The following TP73 variants were observed in gnomAD, a reference collection of about 807,000 sequenced individuals.
TP73 encodes the protein tumor protein p73.
Under a neutral mutation model 62.5 loss-of-function variants are expected in TP73, and 25 were observed. The ratio of observed to expected loss-of-function variants is 0.40; its 90% confidence interval spans 0.29 to 0.56. The LOEUF is 0.56. TP73 is among the 20% of genes least tolerant of loss of function. The pLI is 0.46. For missense variants in TP73, 754 were observed against 913.3 expected, an observed-to-expected ratio of 0.83 and a Z score of 2.25; for synonymous variants, 423 against 377.5, an observed-to-expected ratio of 1.12 and a Z score of -1.40.
At chr1:3,720,023 C>G (rs1203586232) in intron 4 of TP73, among the ~76,000 whole-genome samples, 1 of 151,944 alleles carries the variant, frequency 6.6e-6, no homozygotes, top group Admixed American at 6.6e-5. Flanking sequence ...TCAAGCGATT[C>G]TCCTGCCTCC....
intron 1 of TP73, among the ~76,000 whole-genome samples, chr1:3,681,369 T>A (rs1570427209): frequency 6.6e-6 from 1 of 152,088 alleles, no homozygotes; most frequent in East Asian, 1.9e-4. Flanking sequence ...TGGGCTCGGG[T>A]TTCCCTGTCC....
rs1303427518 is a variant in TP73 at position 3,727,733 on chromosome 1, C to T, written c.948C>T (p.Asn316=). Residue 316 remains asparagine, a synonymous_variant, in exon 8 of 14, where the codon AAC becomes AAT. Transcript: ENST00000378295. ...ACTACCGGGAGCAGCAGGCCCTGAACGAGAGCTCCGCCAAGAACGGGGCCG... is the reference window on the plus strand; with the variant it reads ...ACTACCGGGAGCAGCAGGCCCTGAATGAGAGCTCCGCCAAGAACGGGGCCG... ...EDHYREQQAL[N]ESSAKNGAAS... 3.8e-5 allele frequency: 59 copies of T among 1,557,374 alleles called. No individual in the cohort carries two copies. Among genetic ancestry groups the T allele is most frequent in the Non-Finnish European group, 4.6e-5 (53 of 1,151,996 alleles).
In TP73 at chr1:3,732,641, G is replaced by T. The variant is rs181767508; in HGVS notation, c.1579-106G>T. 2.7e-3 allele frequency: 2,703 copies of T among 1,018,766 alleles called. 66 individuals are homozygous for T. Among genetic ancestry groups the T allele is most frequent in the East Asian group, 6.5e-4 (25 of 38,560 alleles). 63.1% of individuals were successfully genotyped at this position (1,018,766 alleles called of 1,614,324 possible). On this transcript the variant is annotated intron_variant, in intron 13 of 13. Coordinates refer to ENST00000378295, the MANE Select transcript of TP73 (RefSeq NM_005427.4). The stretch of plus-strand genomic sequence containing the variant: ...CGTCTCCTGCCTACTCTGGTTGGGG[G>T]TGTAGGGGCCAGGGTGTGGTGTGGC...
At chr1:3,656,374 A>G (rs188615981) in intron 1 of TP73, among the ~76,000 whole-genome samples, 116 of 152,380 alleles carry the variant, frequency 7.6e-4, no homozygotes, top group Middle Eastern at 3.4e-3. Context: ...CAAGTTGCAC[A>G]TCACAGACCC....
chr1:3,726,175 GATA>G (rs891559201), intron 6 of TP73, among the ~76,000 whole-genome samples: 8 of 131,624 alleles, frequency 6.1e-5, no homozygotes, highest in Non-Finnish European at 9.7e-5. Flanking sequence ...TGGATGGATA[GATA>G]ATAAATGGGG....
At chr1:3,709,388 C>T (rs1211446884) in intron 4 of TP73, among the ~76,000 whole-genome samples, 2 of 152,238 alleles carry the variant, frequency 1.3e-5, no homozygotes, top group African/African-American at 2.4e-5. Context: ...GGAAATTACT[C>T]CTCCACGCAC....
chr1:3,700,211 C>T (rs531311084), intron 3 of TP73, among the ~76,000 whole-genome samples: 91 of 152,152 alleles, frequency 6.0e-4, no homozygotes, highest in African/African-American at 2.1e-3. Flanking sequence ...ACATCTCCTC[C>T]GCTGGAGGAG....
In TP73 at chr1:3,696,483, C is replaced by T. The variant is rs1051677924; in HGVS notation, c.187-11066C>T. ...CAGTCAGGGCTCTGGGGGATCTGCA[C>T]GGAGGCAGGGAGAGACAGCGGCTGG... On this transcript the variant is annotated intron_variant, in intron 3 of 13. Coordinates refer to ENST00000378295, the MANE Select transcript of TP73 (RefSeq NM_005427.4). This position sits in a 1 kb window ranked among gnomAD's most constrained non-coding sequence, Gnocchi z 4.1. Among the ~76,000 whole-genome samples the T allele has an allele frequency of 4.6e-5, 7 of 151,558 alleles. No homozygotes were observed. The highest frequency in any genetic ancestry group is 7.3e-5 in the African/African-American group (3 of 41,202).
rs563923643 is a variant in TP73 at position 3,717,495 on chromosome 1, G to A, written c.430-4526G>A. 2.1e-3 allele frequency among the ~76,000 whole-genome samples: 320 copies of A among 152,352 alleles called. 1 individual carries two copies. Among genetic ancestry groups the A allele is most frequent in the Non-Finnish European group, 3.5e-3 (235 of 68,022 alleles). ...AAGATAAATACGATTTTATCAGCTC[G>A]GAATCTGTTGAAACACATCCATCTA... is the stretch of plus-strand genomic sequence containing the variant. On this transcript the variant is annotated intron_variant, in intron 4 of 13. Transcript: ENST00000378295.
At position 3,682,424 on chromosome 1, in the gene TP73, G is replaced by A; in HGVS notation, c.59G>A (p.Ser20Asn). 2 of 1,544,640 alleles carry A rather than the reference G, an allele frequency of 1.3e-6. No individual in the cohort carries two copies. Among genetic ancestry groups the A allele is most frequent in the Non-Finnish European group, 8.8e-7 (1 of 1,138,512 alleles). ...GGCACCACGTTTGAGCACCTCTGGA[G>A]CTCTCTGTGAGTGCGCTTGGCTGGC... ...DGGTTFEHLW[S>N]SLEPDSTYFD... The change falls in exon 2 of 14, where the codon AGC becomes AAC. Residue 20 changes from serine to asparagine, a missense_variant. By Grantham distance (46) the Ser-to-Asn change is conservative. Transcript: ENST00000378295.
intron 3 of TP73, among the ~76,000 whole-genome samples, chr1:3,689,190 G>C (rs1294162724): frequency 6.6e-6 from 1 of 152,092 alleles, no homozygotes; most frequent in African/African-American, 2.4e-5. Flanking sequence ...GCTCGCCCTG[G>C]GCTCTCCTGC....
intron 1 of TP73, among the ~76,000 whole-genome samples, chr1:3,674,615 G>T (rs1466384190): frequency 2.0e-5 from 3 of 152,256 alleles, no homozygotes; most frequent in Non-Finnish European, 4.4e-5. Context: ...CTTAGCCTCT[G>T]TCGGGAGGGG....
At chr1:3,726,390 G>GA (rs1245084629) in intron 6 of TP73, among the ~76,000 whole-genome samples, 2 of 91,486 alleles carry the variant, frequency 2.2e-5, no homozygotes, top group East Asian at 2.9e-4. Flanking sequence ...ATAATAAATG[G>GA]GGGAGTGGAT....
At position 3,733,359 on chromosome 1, in the gene TP73, C is replaced by G. The variant is rs1307570862; in HGVS notation, c.*280C>G. 1.2e-5 allele frequency: 6 copies of G among 513,888 alleles called. No individual in the cohort carries two copies. Among genetic ancestry groups the G allele is most frequent in the African/African-American group, 1.9e-5 (1 of 52,314 alleles). The allele number at this position is 513,888 out of a possible 1,614,324, so 31.8% of individuals were successfully genotyped here. ...GGCCCACTCTCAGCCCTGCCACTGC[C>G]CCGGCGTGCTCCATGGCAGGCGTGG... On this transcript the variant is annotated 3_prime_UTR_variant, in exon 14 of 14. Transcript: ENST00000378295.
Position 3,672,541 on chromosome 1 carries a change from C to G in TP73, c.-33-9792C>G, listed in dbSNP as rs1570396672. On this transcript the variant is annotated intron_variant, in intron 1 of 13. Transcript: ENST00000378295. The surrounding 1 kb of genome is among the most constrained non-coding windows in gnomAD (Gnocchi z 5.3). ...ACTCATCACCTGTGAACACAGGTAT[C>G]GACTCAGACACCCACTCTGGCCATA... is the stretch of plus-strand genomic sequence containing the variant. Among the ~76,000 whole-genome samples, 1 of 152,034 alleles carries G rather than the reference C, an allele frequency of 6.6e-6. No homozygotes were observed. The highest frequency in any genetic ancestry group is 2.4e-5 in the African/African-American group (1 of 41,366).
chr1:3,712,123 A>T, intron 4 of TP73: 1 of 152,152 alleles, frequency 6.6e-6, no homozygotes, highest in South Asian at 2.1e-4. Context: ...ATTATCCTAA[A>T]AGTTTATGGA....
intron 13 of TP73, 40 bp from the exon 14 acceptor site, chr1:3,732,707 C>T (rs1447075957): frequency 1.3e-6 from 2 of 1,524,906 alleles, no homozygotes; most frequent in South Asian, 1.3e-5. Flanking sequence ...GCTCTCCCTG[C>T]TCCACTGCCC....
Position 3,727,756 on chromosome 1 carries a change from C to A in TP73, c.971C>A (p.Ala324Asp), listed in dbSNP as rs2124521401. Residue 324 changes from alanine to aspartate, a missense_variant, in exon 8 of 14, where the codon GCC becomes GAC. Ala to Asp is a moderately radical substitution (Grantham distance 126). This residue lies in a region of TP73 where 458 missense variants were observed against 528.7 expected (regional missense o/e 0.87). Transcript: ENST00000378295. The stretch of plus-strand genomic sequence containing the variant: ...AACGAGAGCTCCGCCAAGAACGGGG[C>A]CGCCAGCAAGCGTGGTGAGCGGCCG... The part of the protein sequence containing the change: ...ALNESSAKNG[A>D]ASKRAFKQSP... 1 of 1,543,746 alleles carries A rather than the reference C, an allele frequency of 6.5e-7. No individual in the cohort carries two copies. Among genetic ancestry groups the A allele is most frequent in the Non-Finnish European group, 8.7e-7 (1 of 1,144,186 alleles).
chr1:3,705,914 C>G (rs969087966), intron 3 of TP73, among the ~76,000 whole-genome samples: 4 of 152,200 alleles, frequency 2.6e-5, no homozygotes, highest in African/African-American at 9.6e-5. Context: ...GTCACTAAAC[C>G]CAACCACCTC....
Sources: allele counts gnomAD v4.1 joint callset (sites outside exome capture counted in the v4.1 genomes callset), GRCh38; gene constraint gnomAD v4.1.1; regional missense constraint gnomAD v4.1.1; non-coding constraint Gnocchi (gnomAD v3.1); transcripts MANE v1.5; gene names NCBI Gene and HGNC (gene_info 2026-07-23, HGNC 2026-07-21).